RNF130: variants seen among roughly 807,000 people sequenced by gnomAD.
RNF130 encodes the protein ring finger protein 130, also known as E3 ubiquitin-protein ligase RNF130.
RNF130 carries 21 observed loss-of-function variants against 44.6 expected under a neutral mutation model. The ratio of observed to expected loss-of-function variants is 0.47; its 90% CI spans 0.33 to 0.68. The LOEUF (loss-of-function observed/expected upper bound fraction) is 0.68. Ranked by LOEUF, RNF130 falls within the 30% of genes least tolerant of loss-of-function variation. The probability of loss-of-function intolerance (pLI) is 0.02; values close to 1 mark genes in which losing one functional copy is unlikely to be tolerated. For missense variants in RNF130, 479 were observed against 560.6 expected (o/e 0.85, Z 1.47); for synonymous variants, 214 against 210.4 (o/e 1.02, Z -0.15).
At chr5:179,990,794 C>T (rs1763065222) in intron 3 of RNF130, among the ~76,000 whole-genome samples, 1 of 152,194 alleles carries the variant, frequency 6.6e-6, no homozygotes, top group Non-Finnish European at 1.5e-5. Context: ...CATGCCCCTT[C>T]AGCTACTATC....
At chr5:180,055,453 CGTGT>C (rs1307591362) in intron 1 of RNF130, among the ~76,000 whole-genome samples, 105 of 91,860 alleles carry the variant, frequency 1.1e-3, no homozygotes, top group African/African-American at 3.6e-3. Context: ...TGTGTGTGTG[CGTGT>C]GTGTGTGTGT....
intron 7 of RNF130, among the ~76,000 whole-genome samples, chr5:179,923,658 C>T (rs1164279406): frequency 1.3e-5 from 2 of 152,164 alleles, no homozygotes; most frequent in African/African-American, 4.8e-5. Context: ...GGTTCTGTAC[C>T]TCACTTCCCT....
chr5:180,040,604 G>A lies in RNF130; in HGVS notation c.291C>T (p.Val97=). The change falls in exon 2 of 9, where the codon GTC becomes GTT. Residue 97 remains valine (V), a synonymous_variant. Transcript: ENST00000521389. ...LGCDPQTRFF[V]PPNIKQWIAL... ...CAATCCACTGTTTGATATTAGGAGG[G>A]ACAAAGAACCGGGTTTGTGGATCAC... 6.2e-7 allele frequency: 1 copy of A among 1,614,126 alleles called. No homozygotes were observed. Among genetic ancestry groups the A allele is most frequent in the South Asian group, 1.1e-5 (1 of 91,068 alleles).
At chr5:179,953,723 T>A (rs890192580), downstream of RNF130, among the ~76,000 whole-genome samples, 1 of 152,110 alleles carries the variant, frequency 6.6e-6, no homozygotes, top group Non-Finnish European at 1.5e-5. Context: ...TTCTTAGACA[T>A]CTAAAGTACA....
chr5:179,926,506 G>A (rs750570353), intron 7 of RNF130, among the ~76,000 whole-genome samples: 105 of 151,188 alleles, frequency 6.9e-4, no homozygotes, highest in Non-Finnish European at 1.1e-3. Flanking sequence ...AAAATTAGCC[G>A]GGTGTGGTGG....
intron 7 of RNF130, among the ~76,000 whole-genome samples, chr5:179,926,644 T>G (rs1015058866): frequency 6.6e-6 from 1 of 151,978 alleles, no homozygotes; most frequent in Non-Finnish European, 1.5e-5. Flanking sequence ...CAAGACTCCA[T>G]CTCAAAAAAA....
chr5:179,983,986 T>TAA (rs1762898546), intron 3 of RNF130, among the ~76,000 whole-genome samples: 1 of 152,212 alleles, frequency 6.6e-6, no homozygotes, highest in Non-Finnish European at 1.5e-5. Context: ...TGGGTTCAAA[T>TAA]AATCTTCCTA....
intron 7 of RNF130, chr5:179,933,870 T>C (rs1482174674): frequency 6.4e-6 from 5 of 784,496 alleles, no homozygotes; most frequent in Non-Finnish European, 1.1e-5. Flanking sequence ...TGGTCCATGT[T>C]GCCAGCTGAG....
intron 6 of RNF130, among the ~76,000 whole-genome samples, chr5:179,967,628 A>G (rs1382411049): frequency 6.6e-6 from 1 of 151,816 alleles, no homozygotes; most frequent in Non-Finnish European, 1.5e-5. Context: ...AGTGAGCACC[A>G]AAAGTCTTCC....
At chr5:179,992,234 C>T (rs1465738308) in intron 3 of RNF130, among the ~76,000 whole-genome samples, 4 of 152,176 alleles carry the variant, frequency 2.6e-5, no homozygotes, top group Admixed American at 6.5e-5. Context: ...CTCTGCCTCC[C>T]GAGTTCACGC....
At chr5:179,991,561 C>A (rs546741343) in intron 3 of RNF130, among the ~76,000 whole-genome samples, 1 of 152,114 alleles carries the variant, frequency 6.6e-6, no homozygotes, top group African/African-American at 2.4e-5. Flanking sequence ...TATTTCTGTG[C>A]GACCAGATTC....
At chr5:179,958,447 T>C (rs1377851371) in intron 8 of RNF130, among the ~76,000 whole-genome samples, 1 of 152,188 alleles carries the variant, frequency 6.6e-6, no homozygotes, top group East Asian at 1.9e-4. Flanking sequence ...TTTAAGGTTC[T>C]AAAAGAGGTA....
At chr5:180,033,340 T>G (rs757536278) in intron 2 of RNF130, among the ~76,000 whole-genome samples, 2 of 152,214 alleles carry the variant, frequency 1.3e-5, no homozygotes, top group Non-Finnish European at 2.9e-5. Flanking sequence ...ATTCTTACAT[T>G]TCTTTTTAAC....
intron 7 of RNF130, among the ~76,000 whole-genome samples, chr5:179,949,072 T>C (rs1762087239): frequency 1.3e-5 from 2 of 151,684 alleles, no homozygotes; most frequent in Non-Finnish European, 2.9e-5. Flanking sequence ...TTCAAGGGAT[T>C]CTCCTGCCTC....
intron 1 of RNF130, among the ~76,000 whole-genome samples, chr5:180,041,967 C>A (rs1764431419): frequency 6.6e-6 from 1 of 152,074 alleles, no homozygotes; most frequent in African/African-American, 2.4e-5. Context: ...ACTGGGGAGG[C>A]TGAGGTGGGA....
chr5:180,015,473 G>C (rs1763696277), intron 2 of RNF130: 1 of 385,830 alleles, frequency 2.6e-6, no homozygotes, highest in Middle Eastern at 3.8e-4. Flanking sequence ...AGTAGGGAAA[G>C]GAGTAGGGAA....
chr5:179,997,234 T>C (rs1179349831), intron 3 of RNF130, among the ~76,000 whole-genome samples: 2 of 151,998 alleles, frequency 1.3e-5, no homozygotes, highest in Non-Finnish European at 2.9e-5. Flanking sequence ...CTCTGCCTCC[T>C]GGGCTCAAGT....
At chr5:180,022,763 G>A (rs1199289264) in intron 2 of RNF130, among the ~76,000 whole-genome samples, 5 of 152,192 alleles carry the variant, frequency 3.3e-5, no homozygotes, top group African/African-American at 1.2e-4. Context: ...GTTGACTTAA[G>A]GAATACTCCT....
At chr5:179,972,835 T>C (rs554704077) in intron 5 of RNF130, among the ~76,000 whole-genome samples, 14 of 152,354 alleles carry the variant, frequency 9.2e-5, no homozygotes, top group African/African-American at 3.1e-4. Context: ...TTCTTTAACC[T>C]GAAATTAGTT....
Sources: gnomAD v4.1 joint callset for allele counts (sites outside exome capture counted in the v4.1 genomes callset) on GRCh38, gnomAD v4.1.1 for gene constraint, MANE v1.5 for transcripts, NCBI Gene and HGNC (gene_info 2026-07-23, HGNC 2026-07-21) for gene names.